The following DMD variants were observed in gnomAD, a reference collection of about 807,000 sequenced individuals.
The protein encoded by DMD is dystrophin.
In DMD, 63 loss-of-function variants were observed where a neutral mutation model predicts 330.1. That is an observed-to-expected ratio of 0.19 (90% confidence interval 0.16 to 0.24). The LOEUF (loss-of-function observed/expected upper bound fraction) is 0.24, where lower values mean the gene tolerates loss of function less well. Among genes scored for constraint, DMD ranks in the 10% least tolerant of loss-of-function variants. DMD has a pLI of 1.00. For synonymous variants in DMD, 1,223 were observed against 959.8 expected, an observed-to-expected ratio of 1.27 and a Z score of -5.07; for missense variants, 3,344 against 2,684.1, an observed-to-expected ratio of 1.25 and a Z score of -5.43.
rs1303362783 is a variant in DMD at position 32,768,080 on chromosome X, T to C, written c.649+41413A>G. On this transcript the variant is annotated intron_variant, in intron 7 of 78. Coordinates refer to ENST00000357033, the MANE Select transcript of DMD (RefSeq NM_004006.3). ...AAAGTCAATTTACATAATGGTGAGA[T>C]TAAAGTAAAACTAAGAAACGTCAGT... Among the ~76,000 whole-genome samples, 3 of 112,237 alleles carry C rather than the reference T, an allele frequency of 2.7e-5. No individual in the cohort carries two copies. In the East Asian group the frequency reaches 8.4e-4, roughly 31 times the overall value.
intron 1 of DMD, among the ~76,000 whole-genome samples, chrX:33,092,670 A>G (rs183167249): frequency 1.4e-3 from 159 of 110,671 alleles, no homozygotes; most frequent in Non-Finnish European, 2.6e-3. Flanking sequence ...CTTTCAATAC[A>G]TTCTCATAAC....
At chrX:32,975,308 A>T (rs1305461478) in intron 2 of DMD, among the ~76,000 whole-genome samples, 1 of 99,023 alleles carries the variant, frequency 1.0e-5, no homozygotes, top group Non-Finnish European at 2.0e-5. Context: ...ACCAAAAAAT[A>T]TTCACTCCAC....
chrX:31,726,100 G>C (rs17283266), intron 52 of DMD, among the ~76,000 whole-genome samples: 10,562 of 111,928 alleles, frequency 0.094, 413 homozygotes, highest in Non-Finnish European at 0.12. Context: ...ATATTAGAAA[G>C]AGGGAGAATT....
intron 62 of DMD, among the ~76,000 whole-genome samples, chrX:31,317,160 C>T (rs968712620): frequency 9.0e-6 from 1 of 111,466 alleles, no homozygotes; most frequent in African/African-American, 3.3e-5. Flanking sequence ...ATTCTGCTTC[C>T]TTAAATGACA....
intron 2 of DMD, among the ~76,000 whole-genome samples, chrX:32,876,421 C>T (rs1333872671): frequency 8.9e-6 from 1 of 111,756 alleles, no homozygotes; most frequent in Non-Finnish European, 1.9e-5. Context: ...CCACAGTTGC[C>T]CCCTAGTGCT....
chrX:32,035,280 G>A lies in DMD; in HGVS notation c.6439-66766C>T, dbSNP rs370445767. The stretch of plus-strand genomic sequence containing the variant: ...TGATTTAAAAAATTTAAAAAAGAAA[G>A]AATTGGGGTTGGGAAAGGGGAGTAT... On this transcript the variant is annotated intron_variant, in intron 44 of 78. Transcript: ENST00000357033. 2.7e-5 allele frequency among the ~76,000 whole-genome samples: 3 copies of A among 111,837 alleles called. No homozygotes were observed. The East Asian group carries it at 8.4e-4, about 31-fold the overall frequency.
At chrX:31,318,989 T>C (rs2056235995) in intron 62 of DMD, among the ~76,000 whole-genome samples, 1 of 112,331 alleles carries the variant, frequency 8.9e-6, no homozygotes, top group Admixed American at 9.4e-5. Flanking sequence ...TACAGAAAAG[T>C]AGCAGAAAAC....
chrX:31,666,522 AT>A (rs1200700107), intron 53 of DMD, among the ~76,000 whole-genome samples: 1 of 112,288 alleles, frequency 8.9e-6, no homozygotes, highest in Non-Finnish European at 1.9e-5. Flanking sequence ...TGACATACCT[AT>A]TCAGATATGA....
At chrX:32,574,036 C>A (rs777543343) in intron 13 of DMD, among the ~76,000 whole-genome samples, 190 bp from the exon 14 acceptor site, 1 of 112,166 alleles carries the variant, frequency 8.9e-6, no homozygotes, top group East Asian at 2.8e-4. Flanking sequence ...CTCACCAAGT[C>A]TTGTACCTTT....
At chrX:33,337,113 T>C (rs774551829) in intron 1 of DMD, among the ~76,000 whole-genome samples, 2 of 111,638 alleles carry the variant, frequency 1.8e-5, no homozygotes, top group African/African-American at 6.5e-5. Flanking sequence ...CAGTGGCTGA[T>C]TTAAAGTACG....
At chrX:32,959,591 C>A (rs2091791371) in intron 2 of DMD, among the ~76,000 whole-genome samples, 1 of 111,291 alleles carries the variant, frequency 9.0e-6, no homozygotes, top group African/African-American at 3.3e-5. Flanking sequence ...TCCCTCTTGA[C>A]TTGACATCAC....
intron 63 of DMD, among the ~76,000 whole-genome samples, chrX:31,240,533 C>G (rs774382672): frequency 6.0e-4 from 67 of 111,101 alleles, no homozygotes; most frequent in Non-Finnish European, 1.1e-3. Context: ...TCTGGGATTT[C>G]TTCCAAATTC....
chrX:32,809,653 AAATC>A, intron 6 of DMD, 42 bp from the exon 7 acceptor site: 1 of 1,069,211 alleles, frequency 9.4e-7, no homozygotes, highest in East Asian at 3.0e-5. Context: ...AGACAAATAT[AAATC>A]AATCTAGAAT....
At chrX:32,586,903 G>C (rs2054348924) in intron 13 of DMD, among the ~76,000 whole-genome samples, 1 of 111,035 alleles carries the variant, frequency 9.0e-6, no homozygotes, top group Non-Finnish European at 1.9e-5. Flanking sequence ...TATAATTATT[G>C]CTTCTTGGGC....
rs2082324321 is a variant in DMD, at chrX:31,680,553, T to C, written c.7661-967A>G. Among the ~76,000 whole-genome samples, 4 of 109,406 alleles carry C rather than the reference T, an allele frequency of 3.7e-5. No homozygotes were observed. In the South Asian group the frequency reaches 1.6e-3, roughly 44 times the overall value. On this transcript the variant is annotated intron_variant, in intron 52 of 78. Transcript: ENST00000357033. The stretch of plus-strand genomic sequence containing the variant: ...GCCCAGCTAATTTTTTTTTTTTGTA[T>C]TTTTAATAGAGACAGGGTTTCACCA...
intron 11 of DMD, among the ~76,000 whole-genome samples, chrX:32,619,169 T>G (rs1300275718): frequency 9.0e-6 from 1 of 111,368 alleles, no homozygotes; most frequent in African/African-American, 3.3e-5. Flanking sequence ...ACAACATGGA[T>G]GAACCTGGAG....
chrX:31,430,791 GTCTTT>G (rs1432358409), intron 60 of DMD, among the ~76,000 whole-genome samples: 1 of 90,554 alleles, frequency 1.1e-5, no homozygotes, highest in Non-Finnish European at 2.1e-5. Context: ...GCAAGTTAAG[GTCTTT>G]TTTTTTTTTT....
chrX:32,119,931 T>C (rs1197315281), intron 44 of DMD, among the ~76,000 whole-genome samples: 2 of 112,090 alleles, frequency 1.8e-5, no homozygotes, highest in Non-Finnish European at 3.8e-5. Context: ...TTGCAATTAC[T>C]TGATTATACA....
intron 17 of DMD, among the ~76,000 whole-genome samples, chrX:32,523,215 CA>C (rs1236520648): frequency 9.0e-6 from 1 of 111,116 alleles, no homozygotes; most frequent in East Asian, 2.8e-4. Context: ...AACTAAAGAA[CA>C]CTGGAAGGCC....
Sources: gnomAD v4.1 joint callset for allele counts (sites outside exome capture counted in the v4.1 genomes callset) on GRCh38, gnomAD v4.1.1 for gene constraint, MANE v1.5 for transcripts, NCBI Gene and HGNC (gene_info 2026-07-23, HGNC 2026-07-21) for gene names.